The following MVB12B variants were observed in gnomAD, a reference collection of about 807,000 sequenced individuals.
The protein encoded by MVB12B is multivesicular body subunit 12B.
Under a neutral mutation model 41.6 loss-of-function variants are expected in MVB12B, and 16 were observed. The ratio of observed to expected loss-of-function variants is 0.38; its 90% confidence interval spans 0.26 to 0.58. MVB12B has a LOEUF of 0.58. MVB12B is among the 20% of genes least tolerant of loss of function. The pLI is 0.62. For missense variants in MVB12B, 274 were observed against 380.2 expected (o/e 0.72, Z 2.32); for synonymous variants, 133 against 139.7 (o/e 0.95, Z 0.34).
intron 7 of MVB12B, 101 bp downstream of exon 7, chr9:126,422,049 C>T: frequency 1.2e-6 from 1 of 844,690 alleles, no homozygotes; most frequent in East Asian, 2.5e-5. Flanking sequence ...GTCTGCCTTA[C>T]CTCTCTTTTC....
At chr9:126,455,254 C>A (rs1049695405) in intron 7 of MVB12B, among the ~76,000 whole-genome samples, 9 of 151,780 alleles carry the variant, frequency 5.9e-5, no homozygotes, top group African/African-American at 9.7e-5. Context: ...GTGGCGTGAT[C>A]TCAGCTCCCT....
chr9:126,396,965 G>T (rs1410600918), intron 6 of MVB12B: 8 of 985,470 alleles, frequency 8.1e-6, no homozygotes, highest in Non-Finnish European at 8.4e-6. Flanking sequence ...CGCCCTGGAG[G>T]GCACTGCTGA....
In MVB12B at chr9:126,376,984, C is replaced by G. The variant is rs1438682533; in HGVS notation, c.205-4080C>G. Among the ~76,000 whole-genome samples, 1 of 151,672 alleles carries G rather than the reference C, an allele frequency of 6.6e-6. No homozygotes were observed. The highest frequency in any genetic ancestry group is 2.4e-5 in the African/African-American group (1 of 41,242). ...TGCTCAGTATCGGCTGCCACGGGCCCCTTAGGTCACAACCCGCCCCCTCCC... is the reference window on the plus strand; with the variant it reads ...TGCTCAGTATCGGCTGCCACGGGCCGCTTAGGTCACAACCCGCCCCCTCCC... On this transcript the variant is annotated intron_variant, in intron 2 of 9. Coordinates refer to ENST00000361171, the MANE Select transcript of MVB12B (RefSeq NM_033446.3). The surrounding 1 kb of genome is among the most constrained non-coding windows in gnomAD (Gnocchi z 4.1).
intron 2 of MVB12B, among the ~76,000 whole-genome samples, chr9:126,342,146 A>G (rs1422325712): frequency 6.6e-6 from 1 of 152,164 alleles, no homozygotes; most frequent in Non-Finnish European, 1.5e-5. Context: ...TGAGAAGCCA[A>G]AGTGTCTTTT....
rs1284878169 is a variant in MVB12B at position 126,505,666 on chromosome 9, G to GTA, written c.*2404_*2405insAT. Reference sequence around the variant, plus strand: ...GACAAGCATGTGCCTGTGTGTGTGTGTGTGTGTGTGTGTATATGTGTGTGT... The same window carrying GTA: ...GACAAGCATGTGCCTGTGTGTGTGTGTATGTGTGTGTGTGTATATGTGTGTGT... On this transcript the variant is annotated 3_prime_UTR_variant, in exon 10 of 10. Transcript: ENST00000361171. The GTA allele has an allele frequency of 5.1e-5, 7 of 136,912 alleles. No homozygotes were observed. Among genetic ancestry groups the GTA allele is most frequent in the African/African-American group, 2.0e-4 (7 of 35,000 alleles). 8.5% of individuals were successfully genotyped at this position (136,912 alleles called of 1,614,324 possible). A position where few individuals can be genotyped will look rare whatever the true frequency, so the allele number is the denominator to read the frequency against.
rs1450218369 is a variant in MVB12B at position 126,395,621 on chromosome 9, A to C, written c.586A>C (p.Arg196=). Residue 196 remains arginine, a synonymous_variant, in exon 6 of 10, where the codon AGA becomes CGA. Transcript: ENST00000361171. The surrounding 1 kb of genome is among the most constrained non-coding windows in gnomAD (Gnocchi z 4.9). ...CTGGTATCGAATGGGCAGAGTACCA[A>C]GAAATCATGACTCATCTCAACCCAC... ...GIWYRMGRVP[R]NHDSSQPTTP... The C allele has an allele frequency of 6.2e-7, 1 of 1,614,072 alleles. No individual in the cohort carries two copies. Among genetic ancestry groups the C allele is most frequent in the Non-Finnish European group, 8.5e-7 (1 of 1,180,034 alleles).
At chr9:126,354,486 G>T (rs1358776237) in intron 2 of MVB12B, among the ~76,000 whole-genome samples, 1 of 152,218 alleles carries the variant, frequency 6.6e-6, no homozygotes, top group East Asian at 1.9e-4. Flanking sequence ...GAGTCTCAGA[G>T]TATCTTCCAC....
rs1295785982 is a variant in MVB12B at position 126,468,959 on chromosome 9, T to C, written c.758-12410T>C. ...ACACAGTCAATTGAAAAAAAGTAAATTGCAAAACAGTTACTTATGCTGTGA... is the reference window on the plus strand; with the variant it reads ...ACACAGTCAATTGAAAAAAAGTAAACTGCAAAACAGTTACTTATGCTGTGA... On this transcript the variant is annotated intron_variant, in intron 7 of 9. Transcript: ENST00000361171. The surrounding 1 kb of genome is among the most constrained non-coding windows in gnomAD (Gnocchi z 4.3). Among the ~76,000 whole-genome samples the C allele has an allele frequency of 6.6e-6, 1 of 152,166 alleles. No homozygotes were observed. The highest frequency in any genetic ancestry group is 2.4e-5 in the African/African-American group (1 of 41,432).
chr9:126,397,963 G>A (rs1218336116), intron 6 of MVB12B, among the ~76,000 whole-genome samples: 1 of 151,912 alleles, frequency 6.6e-6, no homozygotes, highest in Non-Finnish European at 1.5e-5. Context: ...GGTAAGGCAG[G>A]CCCCTCAGTG....
intron 6 of MVB12B, among the ~76,000 whole-genome samples, chr9:126,418,113 C>A (rs999799391): frequency 6.6e-5 from 10 of 151,462 alleles, no homozygotes; most frequent in Non-Finnish European, 1.3e-4. Context: ...GCTAAGCCAG[C>A]ACCCTTGCAA....
At position 126,478,540 on chromosome 9, in the gene MVB12B, G is replaced by A. The variant is rs1833464274; in HGVS notation, c.758-2829G>A. 6.6e-6 allele frequency among the ~76,000 whole-genome samples: 1 copy of A among 152,188 alleles called. No individual in the cohort carries two copies. The highest frequency in any genetic ancestry group is 2.4e-5 in the African/African-American group (1 of 41,450). On this transcript the variant is annotated intron_variant, in intron 7 of 9. Transcript: ENST00000361171. The surrounding 1 kb of genome is among the most constrained non-coding windows in gnomAD (Gnocchi z 4.2). Reference sequence around the variant, plus strand: ...AGGCATGCTGCAGGAGAGGCACTCAGAAGACTGGGAAGGACAGTTGAGGTA... The same window carrying A: ...AGGCATGCTGCAGGAGAGGCACTCAAAAGACTGGGAAGGACAGTTGAGGTA...
intron 6 of MVB12B, among the ~76,000 whole-genome samples, chr9:126,412,187 C>T (rs149720714): frequency 1.9e-3 from 286 of 152,286 alleles, no homozygotes; most frequent in African/African-American, 6.3e-3. Context: ...GACTCCCGCA[C>T]CCTGCTTGTG....
At chr9:126,425,509 C>T (rs999638902) in intron 7 of MVB12B, among the ~76,000 whole-genome samples, 2 of 152,208 alleles carry the variant, frequency 1.3e-5, no homozygotes, top group Non-Finnish European at 2.9e-5. Flanking sequence ...GCAGGATCAC[C>T]ATTTTCTCCT....
chr9:126,466,914 A>G (rs760314802), intron 7 of MVB12B, among the ~76,000 whole-genome samples: 1 of 151,132 alleles, frequency 6.6e-6, no homozygotes, highest in Non-Finnish European at 1.5e-5. Flanking sequence ...TGCATCCTCC[A>G]CCTCCTGTGT....
chr9:126,431,247 C>T (rs1304911207), intron 7 of MVB12B, among the ~76,000 whole-genome samples: 2 of 152,232 alleles, frequency 1.3e-5, no homozygotes, highest in African/African-American at 4.8e-5. Flanking sequence ...CCCCTGGAAG[C>T]CGAGACATTC....
intron 7 of MVB12B, among the ~76,000 whole-genome samples, chr9:126,447,802 G>A: frequency 6.6e-6 from 1 of 152,156 alleles, no homozygotes; most frequent in African/African-American, 2.4e-5. Context: ...TCTCATGTCA[G>A]TATCATTTTG....
chr9:126,412,242 T>G lies in MVB12B; in HGVS notation c.663-9612T>G, dbSNP rs866424705. ...CTTTTTCTTCATTAAATGGCATTCA[T>G]TAAGCACGTCCTTACACCTGGCACA... On this transcript the variant is annotated intron_variant, in intron 6 of 9. Coordinates refer to ENST00000361171, the MANE Select transcript of MVB12B (RefSeq NM_033446.3). 5.9e-5 allele frequency among the ~76,000 whole-genome samples: 9 copies of G among 152,344 alleles called. 1 individual carries two copies. The Middle Eastern group carries it at 0.017, about 288-fold the overall frequency.
chr9:126,444,213 A>G (rs888146044), intron 7 of MVB12B, among the ~76,000 whole-genome samples: 4 of 152,124 alleles, frequency 2.6e-5, no homozygotes, highest in Non-Finnish European at 4.4e-5. Flanking sequence ...TAAAAGTTAT[A>G]CTTCGGTGAA....
intron 7 of MVB12B, among the ~76,000 whole-genome samples, chr9:126,479,069 T>G (rs1317604458): frequency 6.6e-6 from 1 of 152,006 alleles, no homozygotes; most frequent in Non-Finnish European, 1.5e-5. Context: ...CAAGAGAAGC[T>G]GTGGAAGAGA....
Sources: allele counts gnomAD v4.1 joint callset (sites outside exome capture counted in the v4.1 genomes callset), GRCh38; gene constraint gnomAD v4.1.1; non-coding constraint Gnocchi (gnomAD v3.1); transcripts MANE v1.5; gene names NCBI Gene and HGNC (gene_info 2026-07-23, HGNC 2026-07-21).